Variants in TENM3 observed in about 807,000 individuals in gnomAD.
TENM3 encodes the protein teneurin transmembrane protein 3.
TENM3 carries 63 observed loss-of-function variants against 255.1 expected under a neutral mutation model. The ratio of observed to expected loss-of-function variants is 0.25; its 90% CI spans 0.20 to 0.30. The LOEUF (loss-of-function observed/expected upper bound fraction) is 0.30. TENM3 is among the 10% of genes least tolerant of loss of function. The pLI is 1.00. For missense variants in TENM3, 2,929 were observed against 3,461.1 expected (o/e 0.85, Z 3.86); for synonymous variants, 1,306 against 1,322.3 (o/e 0.99, Z 0.27).
chr4:182,646,698 C>A (rs773325852), intron 5 of TENM3, among the ~76,000 whole-genome samples: 1 of 152,074 alleles, frequency 6.6e-6, no homozygotes, highest in East Asian at 1.9e-4. Context: ...GCCGGGATTG[C>A]GCCACTGCAT....
At chr4:182,295,256 C>CTTTTTTTTTTTTTTTTT (rs1365630117) in intron 1 of TENM3, among the ~76,000 whole-genome samples, 2 of 121,536 alleles carry the variant, frequency 1.6e-5, no homozygotes, top group African/African-American at 3.4e-5. Context: ...ATGTGCTTTG[C>CTTTTTTTTTTTTTTTTT]TTTTCTTTTT....
intron 1 of TENM3, among the ~76,000 whole-genome samples, chr4:182,282,618 C>T (rs1760458505): frequency 6.6e-6 from 1 of 152,064 alleles, no homozygotes; most frequent in African/African-American, 2.4e-5. Context: ...ATGGGCCGGG[C>T]ACAGTGGCTC....
chr4:181,538,654 A>G, the TENM3 span, among the ~76,000 whole-genome samples: 1 of 152,176 alleles, frequency 6.6e-6, no homozygotes, highest in African/African-American at 2.4e-5. Flanking sequence ...GTGACACCTG[A>G]GCTGTGACCA....
At chr4:182,421,868 C>G (rs1188742468) in intron 3 of TENM3, among the ~76,000 whole-genome samples, 1 of 152,144 alleles carries the variant, frequency 6.6e-6, no homozygotes, top group African/African-American at 2.4e-5. Flanking sequence ...TGAAATGGCC[C>G]TTTAGATCTA....
upstream of TENM3, among the ~76,000 whole-genome samples, chr4:182,240,613 G>T (rs1757189735): frequency 6.6e-6 from 1 of 152,210 alleles, no homozygotes; most frequent in African/African-American, 2.4e-5. Context: ...CTTTGAGCAT[G>T]TGGGTGATTA....
the TENM3 span, among the ~76,000 whole-genome samples, chr4:181,919,652 C>T: frequency 8.7e-3 from 1,328 of 152,036 alleles, 13 homozygotes; most frequent in African/African-American, 0.03. Context: ...TCCTGTTCAT[C>T]AGATGAAGTG....
chr4:182,234,470 C>T (rs1350320897), intron 1 of TENM3, among the ~76,000 whole-genome samples: 1 of 152,160 alleles, frequency 6.6e-6, no homozygotes, highest in Non-Finnish European at 1.5e-5. Context: ...CAGTGGCTCA[C>T]GCCTGTAATC....
the TENM3 span, among the ~76,000 whole-genome samples, chr4:181,794,247 C>T: frequency 1.3e-5 from 2 of 152,132 alleles, no homozygotes. Context: ...ACATCTCCAT[C>T]ACGTCACATA....
the TENM3 span, among the ~76,000 whole-genome samples, chr4:182,075,237 C>T: frequency 0.02 from 2,994 of 146,304 alleles, 55 homozygotes; most frequent in Non-Finnish European, 0.029. Context: ...CTCGCTCTGC[C>T]GCCCAGGCTG....
At chr4:181,449,565 C>T in the TENM3 span, among the ~76,000 whole-genome samples, 1 of 152,162 alleles carries the variant, frequency 6.6e-6, no homozygotes, top group Non-Finnish European at 1.5e-5. Flanking sequence ...AGGCAGGTCA[C>T]CTGAGGTCAG....
At chr4:181,945,636 T>A in the TENM3 span, among the ~76,000 whole-genome samples, 1 of 151,918 alleles carries the variant, frequency 6.6e-6, no homozygotes, top group Non-Finnish European at 1.5e-5. Flanking sequence ...GTTGACTAAG[T>A]GGAGTCAAGC....
At position 182,327,666 on chromosome 4, in the gene TENM3, A is replaced by C. The variant is rs149097320; in HGVS notation, c.232+3414A>C. 2.8e-3 allele frequency among the ~76,000 whole-genome samples: 419 copies of C among 152,246 alleles called. 3 individuals carry two copies. Among genetic ancestry groups the C allele is most frequent in the Middle Eastern group, 0.017 (5 of 294 alleles). Reference sequence around the variant, plus strand: ...CACATTGATCTCTTTCTCTTTTTAAATCTCTTCATGTAGTTTGTTGGTGAT... The same window carrying C: ...CACATTGATCTCTTTCTCTTTTTAACTCTCTTCATGTAGTTTGTTGGTGAT... On this transcript the variant is annotated intron_variant, in intron 2 of 27. Transcript: ENST00000511685.
the TENM3 span, among the ~76,000 whole-genome samples, chr4:182,009,806 TG>T: frequency 6.6e-6 from 1 of 152,344 alleles, no homozygotes; most frequent in South Asian, 2.1e-4. Flanking sequence ...CTGCACATTC[TG>T]GGGTTGGGAT....
At chr4:181,607,065 C>G in the TENM3 span, among the ~76,000 whole-genome samples, 1 of 152,216 alleles carries the variant, frequency 6.6e-6, no homozygotes, top group Non-Finnish European at 1.5e-5. Flanking sequence ...AATGTTCTCA[C>G]AACTTCCAGT....
chr4:181,502,225 G>A, the TENM3 span, among the ~76,000 whole-genome samples: 4 of 152,210 alleles, frequency 2.6e-5, no homozygotes, highest in African/African-American at 7.2e-5. Context: ...CCCACAGAAT[G>A]TACAACACCA....
At chr4:182,620,033 C>G (rs1749951584) in intron 4 of TENM3, among the ~76,000 whole-genome samples, 1 of 152,152 alleles carries the variant, frequency 6.6e-6, no homozygotes. Flanking sequence ...CTACAAACCT[C>G]ATGTGGATGC....
intron 1 of TENM3, among the ~76,000 whole-genome samples, chr4:182,269,007 C>A (rs1759437124): frequency 6.6e-6 from 1 of 152,040 alleles, no homozygotes; most frequent in Non-Finnish European, 1.5e-5. Flanking sequence ...GATGGGGACC[C>A]CTTTCCTGTA....
the TENM3 span, among the ~76,000 whole-genome samples, chr4:181,635,529 G>A: frequency 0.083 from 12,585 of 152,210 alleles, 715 homozygotes; most frequent in East Asian, 0.17. Flanking sequence ...GGGAGTGTGG[G>A]TTCCACCATG....
the TENM3 span, among the ~76,000 whole-genome samples, chr4:181,653,527 A>G: frequency 1.3e-5 from 2 of 152,020 alleles, no homozygotes; most frequent in South Asian, 2.1e-4. Context: ...CTCCTGCCTC[A>G]GTAGCTGGAA....
Sources: allele counts gnomAD v4.1 joint callset (sites outside exome capture counted in the v4.1 genomes callset), GRCh38; gene constraint gnomAD v4.1.1; transcripts MANE v1.5; gene names NCBI Gene and HGNC (gene_info 2026-07-23, HGNC 2026-07-21).